Variants in ADAMTSL2 observed in about 807,000 individuals in gnomAD.
The protein encoded by ADAMTSL2 is ADAMTS-like protein 2.
In ADAMTSL2, 55 loss-of-function variants were observed where a neutral mutation model predicts 117.0. That is an observed-to-expected ratio of 0.47 (90% CI 0.38 to 0.59). The LOEUF is 0.59. Ranked by LOEUF, ADAMTSL2 falls within the 20% of genes least tolerant of loss-of-function variation. The pLI is 0.00. For synonymous variants in ADAMTSL2, 572 were observed against 566.4 expected (o/e 1.01, Z -0.14); for missense variants, 1,182 against 1,354.5 (o/e 0.87, Z 2.00).
chr9:133,570,221 C>G, intron 16 of ADAMTSL2, 110 bp from the exon 17 acceptor site: 1 of 1,243,404 alleles, frequency 8.0e-7, no homozygotes, highest in Non-Finnish European at 1.1e-6. Flanking sequence ...CTGGAGCATT[C>G]TCACCCAATT....
intron 13 of ADAMTSL2, 103 bp from the exon 14 acceptor site, chr9:133,568,170 T>C (rs1206139355): frequency 5.0e-6 from 6 of 1,208,078 alleles, no homozygotes; most frequent in African/African-American, 3.0e-5. Context: ...TTGGACCACA[T>C]AGGGGAGGAA....
rs1830592631 is a variant in ADAMTSL2 at position 133,555,777 on chromosome 9, A to G, written c.1496A>G (p.Tyr499Cys). 1 of 1,614,014 alleles carries G rather than the reference A, an allele frequency of 6.2e-7. No individual in the cohort carries two copies. The highest frequency in any genetic ancestry group is 8.5e-7 in the Non-Finnish European group (1 of 1,180,034). The change falls in exon 11 of 19, where the codon TAT (tyrosine) becomes TGT (cysteine). Residue 499 changes from tyrosine to cysteine, a missense_variant. Coordinates refer to ENST00000651351, the MANE Select transcript of ADAMTSL2 (RefSeq NM_014694.4). Reference protein sequence around the residue: ...SSLAESFFVDYEENEGAGPYL... With the variant: ...SSLAESFFVDCEENEGAGPYL... ...CTGGCCGAGAGCTTCTTCGTGGATT[A>G]TGAGGAGAACGAGGGGGCTGGCCCT...
rs994927811 is a variant in ADAMTSL2 at position 133,557,883 on chromosome 9, G to T, written c.1649+1953G>T. 2.4e-4 allele frequency among the ~76,000 whole-genome samples: 36 copies of T among 152,244 alleles called. No individual in the cohort carries two copies. The highest frequency in any genetic ancestry group is 8.4e-4 in the African/African-American group (35 of 41,528). ...CACCGAGGCCTCGCTGTGGAATTTG[G>T]CTTAAGGCATGGACACTGTGTGAGT... On this transcript the variant is annotated intron_variant, in intron 11 of 18. Coordinates refer to ENST00000651351, the MANE Select transcript of ADAMTSL2 (RefSeq NM_014694.4). This position sits in a 1 kb window ranked among gnomAD's most constrained non-coding sequence, Gnocchi z 5.2.
At chr9:133,544,715 T>G (rs926743633) in intron 8 of ADAMTSL2, among the ~76,000 whole-genome samples, 165 bp downstream of exon 8, 1 of 152,002 alleles carries the variant, frequency 6.6e-6, no homozygotes, top group South Asian at 2.1e-4. Flanking sequence ...GCTGTGTGGG[T>G]GTGGCTGGGG....
intron 2 of ADAMTSL2, 36 bp from the exon 3 acceptor site, chr9:133,537,369 T>G: frequency 7.5e-7 from 1 of 1,331,184 alleles, no homozygotes; most frequent in Non-Finnish European, 9.7e-7. Context: ...CCTGGGCACT[T>G]GAGCCCTCTA....
rs980706894 is a variant in ADAMTSL2 at position 133,554,908 on chromosome 9, A to T, written c.1276+215A>T. On this transcript the variant is annotated intron_variant, in intron 10 of 18. Coordinates refer to ENST00000651351, the MANE Select transcript of ADAMTSL2 (RefSeq NM_014694.4). This position sits in a 1 kb window ranked among gnomAD's most constrained non-coding sequence, Gnocchi z 5.2. ...CTTTGAGGTAGATGTGGTTATCCCC[A>T]TTTGATGGATGGGGAGACTGAGGCT... Among the ~76,000 whole-genome samples, 1 of 152,160 alleles carries T rather than the reference A, an allele frequency of 6.6e-6. No homozygotes were observed. The highest frequency in any genetic ancestry group is 2.4e-5 in the African/African-American group (1 of 41,448).
intron 11 of ADAMTSL2, among the ~76,000 whole-genome samples, chr9:133,559,299 G>A (rs1310297209): frequency 5.3e-5 from 8 of 152,002 alleles, no homozygotes; most frequent in African/African-American, 1.9e-4. Flanking sequence ...AGGTTTCCAG[G>A]GAACTTTTGT....
At chr9:133,572,583 C>T (rs1274002560) in intron 17 of ADAMTSL2, among the ~76,000 whole-genome samples, 1 of 152,130 alleles carries the variant, frequency 6.6e-6, no homozygotes, top group African/African-American at 2.4e-5. Flanking sequence ...CACGGACCCA[C>T]TAGGTGCAGG....
In ADAMTSL2 at chr9:133,567,057, G is replaced by A; in HGVS notation, c.1869G>A (p.Gln623=). The part of the protein sequence containing the change: ...VHEFCAGREC[Q]PRWETSSWSE... Reference sequence around the variant, plus strand: ...AGTTCTGCGCTGGGAGGGAGTGCCAGCCCAGGTACCTGCCACCAGGGGCCC... The same window carrying A: ...AGTTCTGCGCTGGGAGGGAGTGCCAACCCAGGTACCTGCCACCAGGGGCCC... Residue 623 remains glutamine, a synonymous_variant, in exon 13 of 19, where the codon CAG becomes CAA. Transcript: ENST00000651351. 1.2e-6 allele frequency: 2 copies of A among 1,607,342 alleles called. No homozygotes were observed. The highest frequency in any genetic ancestry group is 1.1e-5 in the South Asian group (1 of 90,594).
chr9:133,568,586 TC>T lies in ADAMTSL2; in HGVS notation c.2089-12del, dbSNP rs771663807. On this transcript the variant is annotated splice_polypyrimidine_tract_variant and intron_variant, in intron 14 of 18. Coordinates refer to ENST00000651351, the MANE Select transcript of ADAMTSL2 (RefSeq NM_014694.4). ...CCTGTGTCACACCCCCCCTGCCCCCTCCCCCTGCCGCCCCAGTGCACTGCCA... is the reference window on the plus strand; with the variant it reads ...CCTGTGTCACACCCCCCCTGCCCCCTCCCCTGCCGCCCCAGTGCACTGCCA... The T allele has an allele frequency of 0.047, 68,386 of 1,466,750 alleles. 1,685 individuals carry two copies. The highest frequency in any genetic ancestry group is 0.053 in the Non-Finnish European group (56,930 of 1,066,778). 90.9% of individuals were successfully genotyped at this position (1,466,750 alleles called of 1,614,324 possible). A position where few individuals can be genotyped will look rare whatever the true frequency, so the allele number is the denominator to read the frequency against.
In ADAMTSL2 at chr9:133,565,235, C is replaced by T. The variant is rs969998806; in HGVS notation, c.1748-1701C>T. Among the ~76,000 whole-genome samples, 149 of 152,224 alleles carry T rather than the reference C, an allele frequency of 9.8e-4. 1 individual carries two copies. Among genetic ancestry groups the T allele is most frequent in the Middle Eastern group, 3.4e-3 (1 of 294 alleles). ...TCATGAAGAGGGTGCCCAGAAAAAA[C>T]GTCCTGGCATTTGATTCTCACAGGC... is the stretch of plus-strand genomic sequence containing the variant. On this transcript the variant is annotated intron_variant, in intron 12 of 18. Transcript: ENST00000651351.
At chr9:133,549,827 G>A (rs1317800844) in intron 9 of ADAMTSL2, among the ~76,000 whole-genome samples, 1 of 152,164 alleles carries the variant, frequency 6.6e-6, no homozygotes, top group Admixed American at 6.5e-5. Context: ...TTCGTCTTTG[G>A]GTGGAAACGT....
Position 133,538,438 on chromosome 9 carries a change from C to T in ADAMTSL2, c.309+14C>T, listed in dbSNP as rs774838975. 5.8e-5 allele frequency: 94 copies of T among 1,612,510 alleles called. No homozygotes were observed. The highest frequency in any genetic ancestry group is 3.3e-4 in the Middle Eastern group (2 of 6,024). On this transcript the variant is annotated intron_variant, in intron 4 of 18. Coordinates refer to ENST00000651351, the MANE Select transcript of ADAMTSL2 (RefSeq NM_014694.4). ...TGCAGAGTGCAGGTGAGGCCCGGCCCGGGCAGGGGCACCATGGCCTGCTCT... is the reference window on the plus strand; with the variant it reads ...TGCAGAGTGCAGGTGAGGCCCGGCCTGGGCAGGGGCACCATGGCCTGCTCT...
upstream of ADAMTSL2, chr9:133,534,407 C>G (rs1829998323): frequency 4.0e-6 from 1 of 247,536 alleles, no homozygotes; most frequent in African/African-American, 2.2e-5. Flanking sequence ...GGGGCTTTGC[C>G]ACCGCCAGCC....
rs993125845 is a variant in ADAMTSL2, at chr9:133,544,654, A to G, written c.763+104A>G. On this transcript the variant is annotated intron_variant, in intron 8 of 18. Coordinates refer to ENST00000651351, the MANE Select transcript of ADAMTSL2 (RefSeq NM_014694.4). ...GACCCTGGACCCCTTCCTCCAGGAC[A>G]GGGATGGACCAGTGCTGTGGGCATG... The G allele has an allele frequency of 7.0e-6, 7 of 1,003,380 alleles. No homozygotes were observed. In the African/African-American group the frequency reaches 7.9e-5, roughly 11 times the overall value. The allele number at this position is 1,003,380 out of a possible 1,614,324, so 62.2% of individuals were successfully genotyped here. A position where few individuals can be genotyped will look rare whatever the true frequency, so the allele number is the denominator to read the frequency against.
At chr9:133,556,819 C>G (rs1830613493) in intron 11 of ADAMTSL2, among the ~76,000 whole-genome samples, 1 of 152,222 alleles carries the variant, frequency 6.6e-6, no homozygotes, top group South Asian at 2.1e-4. Context: ...AGGGTGACCC[C>G]AGACCTGTCG....
Position 133,552,850 on chromosome 9 carries a change from A to G in ADAMTSL2, c.940-1507A>G, listed in dbSNP as rs890150847. 2.3e-3 allele frequency among the ~76,000 whole-genome samples: 348 copies of G among 152,238 alleles called. 5 individuals carry two copies. The highest frequency in any genetic ancestry group is 1.4e-3 in the East Asian group (7 of 5,176). ...CTTTAGGTCAGCCCCTACCTGCTCT[A>G]TGCTTCTAAGTGCCATCCTAGTAGC... On this transcript the variant is annotated intron_variant, in intron 9 of 18. Coordinates refer to ENST00000651351, the MANE Select transcript of ADAMTSL2 (RefSeq NM_014694.4).
chr9:133,540,846 C>T, intron 6 of ADAMTSL2, 32 bp from the exon 7 acceptor site: 1 of 1,613,266 alleles, frequency 6.2e-7, no homozygotes, highest in Non-Finnish European at 8.5e-7. Flanking sequence ...ACAGCGCCCT[C>T]CCAGCAGCCC....
intron 17 of ADAMTSL2, among the ~76,000 whole-genome samples, chr9:133,572,709 G>T (rs1306065865): frequency 6.6e-6 from 1 of 152,208 alleles, no homozygotes; most frequent in Non-Finnish European, 1.5e-5. Flanking sequence ...CTGATGAGGA[G>T]GTGGCAGGGC....
Sources: allele counts gnomAD v4.1 joint callset (sites outside exome capture counted in the v4.1 genomes callset), GRCh38; gene constraint gnomAD v4.1.1; non-coding constraint Gnocchi (gnomAD v3.1); transcripts MANE v1.5; gene names NCBI Gene and HGNC (gene_info 2026-07-23, HGNC 2026-07-21).